The following CSMD1 variants were observed in gnomAD, a reference collection of about 807,000 sequenced individuals.
The protein encoded by CSMD1 is CUB and Sushi multiple domains 1, also known as CUB and sushi domain-containing protein 1.
CSMD1 carries 213 observed loss-of-function variants against 417.5 expected under a neutral mutation model. The observed-to-expected ratio is 0.51, with a 90% confidence interval of 0.46 to 0.57. CSMD1 has a LOEUF of 0.57. Among genes scored for constraint, CSMD1 ranks in the 20% least tolerant of loss-of-function variants. The probability of loss-of-function intolerance (pLI) is 0.00; values close to 1 mark genes in which losing one functional copy is unlikely to be tolerated. For synonymous variants in CSMD1, 2,862 were observed against 1,736.8 expected (o/e 1.65, Z -16.11); for missense variants, 6,923 against 4,529.7 (o/e 1.53, Z -15.17).
intron 3 of CSMD1, among the ~76,000 whole-genome samples, chr8:4,077,623 T>A (rs1799903532): frequency 6.6e-6 from 1 of 152,094 alleles, no homozygotes; most frequent in South Asian, 2.1e-4. Flanking sequence ...TCATTCAAGG[T>A]CAGTAGATCC....
chr8:2,988,213 T>C (rs2128945469), intron 54 of CSMD1, among the ~76,000 whole-genome samples: 1 of 152,286 alleles, frequency 6.6e-6, no homozygotes, highest in Non-Finnish European at 1.5e-5. Flanking sequence ...TTTGTGGTTG[T>C]TTCCTTTTTG....
intron 1 of CSMD1, among the ~76,000 whole-genome samples, chr8:4,707,454 G>A (rs1397190148): frequency 6.6e-6 from 1 of 152,166 alleles, no homozygotes; most frequent in African/African-American, 2.4e-5. Context: ...TGGAAGGTCA[G>A]ATTAACAGAA....
At chr8:3,901,281 T>G (rs905137960) in intron 5 of CSMD1, among the ~76,000 whole-genome samples, 16 of 152,328 alleles carry the variant, frequency 1.1e-4, no homozygotes, top group African/African-American at 3.8e-4. Context: ...ATTTTTCCAC[T>G]TTTTCCCTTT....
intron 3 of CSMD1, among the ~76,000 whole-genome samples, chr8:4,093,538 C>G (rs560211644): frequency 2.6e-5 from 4 of 152,106 alleles, no homozygotes. Flanking sequence ...TTACATACTA[C>G]GAGTTTTCTC....
chr8:3,412,025 C>T lies in CSMD1; in HGVS notation c.1562-2420G>A, dbSNP rs537611858. On this transcript the variant is annotated intron_variant, in intron 12 of 69. Coordinates refer to ENST00000635120, the MANE Select transcript of CSMD1 (RefSeq NM_033225.6). ...ACACGTATATATATACATATACACA[C>T]GTATATATACACATATATACACGTA... Among the ~76,000 whole-genome samples, 2 of 37,850 alleles carry T rather than the reference C, an allele frequency of 5.3e-5. 1 individual carries two copies. The highest frequency in any genetic ancestry group is 1.1e-3 in the East Asian group (2 of 1,852). The allele number at this position is 37,850 out of a possible 152,430, so 24.8% of individuals were successfully genotyped here. A position where few individuals can be genotyped will look rare whatever the true frequency, so the allele number is the denominator to read the frequency against.
In CSMD1 at chr8:3,997,588, G is replaced by C. The variant is rs115728729; in HGVS notation, c.818+315C>G. 4.5e-3 allele frequency among the ~76,000 whole-genome samples: 688 copies of C among 152,298 alleles called. 5 individuals carry two copies. Among genetic ancestry groups the C allele is most frequent in the African/African-American group, 0.016 (646 of 41,554 alleles). On this transcript the variant is annotated intron_variant, in intron 5 of 69. Coordinates refer to ENST00000635120, the MANE Select transcript of CSMD1 (RefSeq NM_033225.6). ...CAATCTAAAAATCTCTGCTCACAGT[G>C]AAACAGCTTCAGACCAAACCCAAAA... is the stretch of plus-strand genomic sequence containing the variant.
At position 3,875,941 on chromosome 8, in the gene CSMD1, G is replaced by A. The variant is rs77503237; in HGVS notation, c.819-121899C>T. On this transcript the variant is annotated intron_variant, in intron 5 of 69. Coordinates refer to ENST00000635120, the MANE Select transcript of CSMD1 (RefSeq NM_033225.6). ...TTATGAGGAGATCAATGGGAAGCTC[G>A]GAGGCAAATTTATGGAGTAACTGTA... Among the ~76,000 whole-genome samples, 1,167 of 152,232 alleles carry A rather than the reference G, an allele frequency of 7.7e-3. 7 individuals carry two copies. Among genetic ancestry groups the A allele is most frequent in the Non-Finnish European group, 0.011 (725 of 68,022 alleles).
At chr8:4,711,346 T>C (rs1220260138) in intron 1 of CSMD1, among the ~76,000 whole-genome samples, 2 of 152,178 alleles carry the variant, frequency 1.3e-5, no homozygotes, top group Non-Finnish European at 2.9e-5. Flanking sequence ...TGACTATTTA[T>C]TGATAGCCAA....
chr8:3,070,513 G>C (rs1237450695), intron 49 of CSMD1, among the ~76,000 whole-genome samples: 1 of 152,172 alleles, frequency 6.6e-6, no homozygotes, highest in Non-Finnish European at 1.5e-5. Flanking sequence ...TTATTCTGAA[G>C]TTCAAAGTTC....
chr8:4,592,040 G>A (rs1800015728), intron 2 of CSMD1, among the ~76,000 whole-genome samples: 1 of 152,082 alleles, frequency 6.6e-6, no homozygotes, highest in Non-Finnish European at 1.5e-5. Context: ...AATTTCTTAT[G>A]GACCATTGCA....
intron 3 of CSMD1, among the ~76,000 whole-genome samples, chr8:4,299,212 A>T (rs909372564): frequency 6.6e-6 from 1 of 152,210 alleles, no homozygotes. Context: ...TTTGCCAGGT[A>T]ATGTAAGTCA....
At chr8:3,142,736 T>C in intron 40 of CSMD1, 62 bp from the exon 41 acceptor site, 1 of 1,352,714 alleles carries the variant, frequency 7.4e-7, no homozygotes, top group South Asian at 1.2e-5. Flanking sequence ...TCAATGCTCA[T>C]AAAAAGGGAC....
intron 1 of CSMD1, among the ~76,000 whole-genome samples, chr8:4,992,032 G>A (rs1811494729): frequency 6.6e-6 from 1 of 152,182 alleles, no homozygotes; most frequent in South Asian, 2.1e-4. Flanking sequence ...ATGCACGCCA[G>A]GGGCCTGGGA....
chr8:4,156,153 G>A (rs1430616699), intron 3 of CSMD1, among the ~76,000 whole-genome samples: 2 of 152,132 alleles, frequency 1.3e-5, no homozygotes, highest in African/African-American at 4.8e-5. Flanking sequence ...ACCACCCAGA[G>A]GCAATTCGTT....
chr8:3,346,801 T>G (rs1264270281), intron 22 of CSMD1, among the ~76,000 whole-genome samples: 1 of 152,212 alleles, frequency 6.6e-6, no homozygotes, highest in Non-Finnish European at 1.5e-5. Context: ...TTGACAATAC[T>G]GAATCTAAAA....
At chr8:3,752,666 C>G (rs1187427895) in intron 6 of CSMD1, among the ~76,000 whole-genome samples, 1 of 137,970 alleles carries the variant, frequency 7.2e-6, no homozygotes, top group African/African-American at 2.8e-5. Context: ...GCCACCCACT[C>G]CCCGCCTGGC....
intron 3 of CSMD1, among the ~76,000 whole-genome samples, chr8:4,184,964 C>G (rs948260889): frequency 3.3e-5 from 5 of 151,646 alleles, no homozygotes; most frequent in Non-Finnish European, 7.4e-5. Context: ...GTGGTGAAAC[C>G]CCATCTCTAT....
intron 3 of CSMD1, among the ~76,000 whole-genome samples, chr8:4,043,230 G>C (rs1797983243): frequency 6.6e-6 from 1 of 152,008 alleles, no homozygotes; most frequent in African/African-American, 2.4e-5. Flanking sequence ...AAATAGCAAA[G>C]ACAAATGTTA....
At chr8:4,625,912 CG>C (rs1317271675) in intron 2 of CSMD1, among the ~76,000 whole-genome samples, 5 of 152,006 alleles carry the variant, frequency 3.3e-5, no homozygotes, top group Non-Finnish European at 7.4e-5. Context: ...TTGGTAGAGA[CG>C]GGGTTTCACC....
Sources: allele counts gnomAD v4.1 joint callset (sites outside exome capture counted in the v4.1 genomes callset), GRCh38; gene constraint gnomAD v4.1.1; transcripts MANE v1.5; gene names NCBI Gene and HGNC (gene_info 2026-07-23, HGNC 2026-07-21).